Variants in TLN1 observed in about 807,000 individuals in gnomAD.
The protein encoded by TLN1 is talin-1.
Under a neutral mutation model 292.3 loss-of-function variants are expected in TLN1, and 56 were observed. The ratio of observed to expected loss-of-function variants is 0.19; its 90% CI spans 0.15 to 0.24. TLN1 has a LOEUF of 0.24. Among genes scored for constraint, TLN1 ranks in the 10% least tolerant of loss-of-function variants. TLN1 has a pLI of 1.00. For missense variants in TLN1, 2,433 were observed against 3,248.2 expected, an observed-to-expected ratio of 0.75 and a Z score of 6.10; for synonymous variants, 1,119 against 1,253.7, an observed-to-expected ratio of 0.89 and a Z score of 2.27.
chr9:35,711,857 G>A, intron 28 of TLN1, 65 bp from the exon 29 acceptor site: 2 of 1,607,022 alleles, frequency 1.2e-6, no homozygotes, highest in South Asian at 2.2e-5. Context: ...GTCTGGTAAA[G>A]GAGGGCTGAA....
At position 35,714,908 on chromosome 9, in the gene TLN1, A is replaced by G. The variant is rs779001347; in HGVS notation, c.2755-32T>C. The G allele has an allele frequency of 6.3e-7, 1 of 1,596,440 alleles. No homozygotes were observed. Among genetic ancestry groups the G allele is most frequent in the African/African-American group, 1.3e-5 (1 of 74,812 alleles). On this transcript the variant is annotated intron_variant, in intron 21 of 56. Coordinates refer to ENST00000314888, the MANE Select transcript of TLN1 (RefSeq NM_006289.4). The surrounding 1 kb of genome is among the most constrained non-coding windows in gnomAD (Gnocchi z 4.6). ...AGACAAGAGTAGTCAGACCAAGCCC[A>G]TGGATTCCCATGCCCAGCCCAGTCC... is the stretch of plus-strand genomic sequence containing the variant.
rs568565792 is a variant in TLN1, at chr9:35,701,801, G to C, written c.6475-1425C>G. Among the ~76,000 whole-genome samples, 5 of 152,134 alleles carry C rather than the reference G, an allele frequency of 3.3e-5. No homozygotes were observed. The South Asian group carries it at 1.0e-3, about 31-fold the overall frequency. On this transcript the variant is annotated intron_variant, in intron 48 of 56. Transcript: ENST00000314888. The stretch of plus-strand genomic sequence containing the variant: ...TGTGGGGAATGAGAGAAAGAGAGAA[G>C]TCTAATATATTGAAGCTAGGTTTCT...
rs370455115 is a variant in TLN1, at chr9:35,724,131, G to A, written c.655-52C>T. On this transcript the variant is annotated intron_variant, in intron 6 of 56. Transcript: ENST00000314888. The surrounding 1 kb of genome is among the most constrained non-coding windows in gnomAD (Gnocchi z 4.7). ...ATGTTGTGTGTGGGTGCAAGGACACGCACACTGTGCTTCCGAGCCCTCCCT... is the reference window on the plus strand; with the variant it reads ...ATGTTGTGTGTGGGTGCAAGGACACACACACTGTGCTTCCGAGCCCTCCCT... 2.6e-5 allele frequency: 42 copies of A among 1,613,254 alleles called. No homozygotes were observed. The highest frequency in any genetic ancestry group is 1.2e-4 in the African/African-American group (9 of 74,896).
Position 35,700,280 on chromosome 9 carries a change from C to CAACG in TLN1, c.6567_6570dup (p.Ala2191ArgfsTer42). 1 of 1,613,706 alleles carries CAACG rather than the reference C, an allele frequency of 6.2e-7. No homozygotes were observed. On this transcript the variant is annotated frameshift_variant, in exon 49 of 57. Coordinates refer to ENST00000314888, the MANE Select transcript of TLN1 (RefSeq NM_006289.4). LOFTEE classifies it high-confidence loss of function. Reference sequence around the variant, plus strand: ...TCCTGGCGACAGGAATTGCCAGCAGCAACGGCCTTGGCGGTTGCCATGGTG... The same window carrying CAACG: ...TCCTGGCGACAGGAATTGCCAGCAGCAACGAACGGCCTTGGCGGTTGCCATGGTG...
chr9:35,702,240 G>A (rs1320041312), intron 48 of TLN1, among the ~76,000 whole-genome samples: 3 of 152,204 alleles, frequency 2.0e-5, no homozygotes, highest in African/African-American at 7.2e-5. Context: ...GTCATGGTTC[G>A]GAGGCACTGC....
chr9:35,711,776 C>G lies in TLN1; in HGVS notation c.3698G>C (p.Gly1233Ala). The G allele has an allele frequency of 6.2e-7, 1 of 1,614,016 alleles. No homozygotes were observed. Among genetic ancestry groups the G allele is most frequent in the South Asian group, 1.1e-5 (1 of 91,080 alleles). The change falls in exon 29 of 57, where the codon GGG (glycine) becomes GCG (alanine). Residue 1233 changes from glycine to alanine, a missense_variant. Physicochemically the swap from Gly to Ala is moderately conservative, Grantham distance 60. This residue lies in a region of TLN1 where 1,384 missense variants were observed against 1,699.6 expected (regional missense o/e 0.81). Coordinates refer to ENST00000314888, the MANE Select transcript of TLN1 (RefSeq NM_006289.4). ...LLSDSLPPST[G>A]TFQEAQSRLN... is the part of the protein sequence containing the mutation. The stretch of plus-strand genomic sequence containing the variant: ...CCGGCTCTGAGCTTCTTGAAATGTC[C>G]CAGTGCTAGGAGGAAGCTGCAAGGT...
At chr9:35,718,007 A>C (rs987490834) in intron 17 of TLN1, among the ~76,000 whole-genome samples, 2 of 152,086 alleles carry the variant, frequency 1.3e-5, no homozygotes, top group African/African-American at 4.8e-5. Flanking sequence ...GCCTACACCA[A>C]ATGGAGACAC....
At position 35,711,385 on chromosome 9, in the gene TLN1, C is replaced by A. The variant is rs201216076; in HGVS notation, c.3889G>T (p.Asp1297Tyr). ...EMAGQAPSQEDRAQVVSNLKG... is the reference protein window; with the variant it reads ...EMAGQAPSQEYRAQVVSNLKG... Reference sequence around the variant, plus strand: ...AAGTTGGACACAACTTGGGCTCGGTCCTCCTGGCTCTGTTGAAGGTGACAA... The same window carrying A: ...AAGTTGGACACAACTTGGGCTCGGTACTCCTGGCTCTGTTGAAGGTGACAA... Residue 1297 changes from aspartate to tyrosine, a missense_variant, in exon 30 of 57, where the codon GAC becomes TAC. Around this residue, in one of 7 missense-constraint regions of TLN1, gnomAD observed 1,384 missense variants for 1,699.6 expected, o/e 0.81. Transcript: ENST00000314888. 7 of 1,614,168 alleles carry A rather than the reference C, an allele frequency of 4.3e-6. No individual in the cohort carries two copies. Among genetic ancestry groups the A allele is most frequent in the Middle Eastern group, 1.6e-4 (1 of 6,062 alleles).
chr9:35,722,307 G>T, intron 8 of TLN1, 84 bp from the exon 9 acceptor site: 2 of 1,177,108 alleles, frequency 1.7e-6, no homozygotes, highest in South Asian at 1.2e-5. Flanking sequence ...TCTAACGAGA[G>T]AGAATTATGG....
At chr9:35,720,530 C>G (rs1211010066) in intron 11 of TLN1, 21 bp from the exon 12 acceptor site, 22 of 1,611,898 alleles carry the variant, frequency 1.4e-5, no homozygotes, top group Non-Finnish European at 1.8e-5. Context: ...GAAAAAGGAA[C>G]AAGAGTTGGG....
Position 35,705,562 on chromosome 9 carries a change from C to T in TLN1, c.5722G>A (p.Glu1908Lys). ...SEAKPAAVAA[E>K]NEEIGSHIKH... ...GCCTCCACGTTTACCTCTTCATTTT[C>T]AGCAGCCACCGCTGCAGGCTTGGCC... is the stretch of plus-strand genomic sequence containing the variant. Residue 1908 changes from glutamate (E) to lysine (K), a missense_variant, in exon 43 of 57, where the codon GAA becomes AAA. Glu to Lys is a moderately conservative substitution (Grantham distance 56). Transcript: ENST00000314888. The T allele has an allele frequency of 6.3e-7, 1 of 1,587,730 alleles. No individual in the cohort carries two copies. The highest frequency in any genetic ancestry group is 8.6e-7 in the Non-Finnish European group (1 of 1,165,050).
At position 35,717,810 on chromosome 9, in the gene TLN1, T is replaced by C. The variant is rs748666256; in HGVS notation, c.1996-24A>G. ...TCCTGTGAGAAAACAGCAGTTAGCATGACCTGAGATTGGGCTTGGGATTCA... is the reference window on the plus strand; with the variant it reads ...TCCTGTGAGAAAACAGCAGTTAGCACGACCTGAGATTGGGCTTGGGATTCA... On this transcript the variant is annotated intron_variant, in intron 17 of 56. Coordinates refer to ENST00000314888, the MANE Select transcript of TLN1 (RefSeq NM_006289.4). The surrounding 1 kb of genome is among the most constrained non-coding windows in gnomAD (Gnocchi z 4.7). 15 of 1,584,654 alleles carry C rather than the reference T, an allele frequency of 9.5e-6. No individual in the cohort carries two copies. The highest frequency in any genetic ancestry group is 1.0e-5 in the Non-Finnish European group (12 of 1,159,002).
In TLN1 at chr9:35,707,200, A is replaced by C. The variant is rs1449591031; in HGVS notation, c.4827T>G (p.Ser1609Arg). ...IVISAKTMLE[S>R]AGGLIQTARA... ...GGGCTGTCTGGATGAGTCCCCCGGC[A>C]CTCTCTAACATTGTCTTGGCAGAGA... The change falls in exon 37 of 57, where the codon AGT becomes AGG. Residue 1609 changes from serine (S) to arginine (R), a missense_variant. Physicochemically the swap from Ser to Arg is moderately radical, Grantham distance 110 (BLOSUM62 -1). This residue lies in a region of TLN1 where 1,384 missense variants were observed against 1,699.6 expected (regional missense o/e 0.81). Coordinates refer to ENST00000314888, the MANE Select transcript of TLN1 (RefSeq NM_006289.4). The surrounding 1 kb of genome is among the most constrained non-coding windows in gnomAD (Gnocchi z 5.6). 6.2e-7 allele frequency: 1 copy of C among 1,607,728 alleles called. No individual in the cohort carries two copies.
In TLN1 at chr9:35,726,157, C is replaced by G. The variant is rs578152274; in HGVS notation, c.-33-430G>C. Among the ~76,000 whole-genome samples the G allele has an allele frequency of 2.6e-5, 4 of 152,316 alleles. No individual in the cohort carries two copies. In the East Asian group the frequency reaches 7.7e-4, roughly 29 times the overall value. ...TCGATCTCCTGACCTCGTGATCCACCTTGGCCTCCCCAAGTGCTGGGATTA... is the reference window on the plus strand; with the variant it reads ...TCGATCTCCTGACCTCGTGATCCACGTTGGCCTCCCCAAGTGCTGGGATTA... On this transcript the variant is annotated intron_variant, in intron 1 of 56. Coordinates refer to ENST00000314888, the MANE Select transcript of TLN1 (RefSeq NM_006289.4).
intron 25 of TLN1, among the ~76,000 whole-genome samples, 159 bp downstream of exon 25, chr9:35,713,794 G>C (rs1045473497): frequency 2.1e-5 from 3 of 145,876 alleles, no homozygotes; most frequent in Non-Finnish European, 3.0e-5. Flanking sequence ...GAGAGAGAAA[G>C]AGAAAGAAAA....
chr9:35,697,611 T>A lies in TLN1; in HGVS notation c.*180A>T. 1.2e-6 allele frequency: 1 copy of A among 844,642 alleles called. No individual in the cohort carries two copies. The highest frequency in any genetic ancestry group is 1.8e-6 in the Non-Finnish European group (1 of 554,594). 52.3% of individuals were successfully genotyped at this position (844,642 alleles called of 1,614,324 possible). A position where few individuals can be genotyped will look rare whatever the true frequency, so the allele number is the denominator to read the frequency against. Reference sequence around the variant, plus strand: ...GGGGGGCCCTAGGGCATGAAGGCACTTGGGGTTGGGGAGGGGACAGGGGAT... The same window carrying A: ...GGGGGGCCCTAGGGCATGAAGGCACATGGGGTTGGGGAGGGGACAGGGGAT... On this transcript the variant is annotated 3_prime_UTR_variant, in exon 57 of 57. Coordinates refer to ENST00000314888, the MANE Select transcript of TLN1 (RefSeq NM_006289.4).
intron 16 of TLN1, 82 bp from the exon 17 acceptor site, chr9:35,718,992 C>G: frequency 5.0e-6 from 8 of 1,597,428 alleles, no homozygotes; most frequent in Non-Finnish European, 6.9e-6. Flanking sequence ...GGGACCCAGG[C>G]TTCCATCCTG....
intron 48 of TLN1, among the ~76,000 whole-genome samples, chr9:35,702,494 CTTTTT>C (rs1211540987): frequency 6.6e-6 from 1 of 151,468 alleles, no homozygotes; most frequent in East Asian, 1.9e-4. Flanking sequence ...CATTTTTTTT[CTTTTT>C]TGTTTTTTTT....
At chr9:35,729,997 A>G (rs76510493) in intron 1 of TLN1, among the ~76,000 whole-genome samples, 1 of 90,222 alleles carries the variant, frequency 1.1e-5, no homozygotes, top group Admixed American at 1.2e-4. Context: ...GTAGAAAAAG[A>G]ATGCTGGTGA....
Sources: gnomAD v4.1 joint callset for allele counts (sites outside exome capture counted in the v4.1 genomes callset) on GRCh38, gnomAD v4.1.1 for gene constraint, gnomAD v4.1.1 regional missense constraint, Gnocchi (gnomAD v3.1) non-coding constraint, MANE v1.5 for transcripts, NCBI Gene and HGNC (gene_info 2026-07-23, HGNC 2026-07-21) for gene names.